The following WNT2B variants were observed in gnomAD, a reference collection of about 807,000 sequenced individuals.
The protein encoded by WNT2B is Wnt family member 2B.
In WNT2B, 19 loss-of-function variants were observed where a neutral mutation model predicts 40.5. The observed-to-expected ratio is 0.47, with a 90% CI of 0.33 to 0.69. The LOEUF (loss-of-function observed/expected upper bound fraction) is 0.69. Ranked by LOEUF, WNT2B falls within the 30% of genes least tolerant of loss-of-function variation. The pLI is 0.02. For synonymous variants in WNT2B, 220 were observed against 211.9 expected, an observed-to-expected ratio of 1.04 and a Z score of -0.33; for missense variants, 467 against 556.4, an observed-to-expected ratio of 0.84 and a Z score of 1.62.
chr1:112,479,419 C>CA (rs1651152943), intron 1 of WNT2B, among the ~76,000 whole-genome samples: 2 of 151,302 alleles, frequency 1.3e-5, no homozygotes, highest in African/African-American at 4.9e-5. Context: ...ACTAAAAATA[C>CA]AAAAATTAGC....
intron 1 of WNT2B, among the ~76,000 whole-genome samples, chr1:112,479,080 G>A (rs1234574289): frequency 6.6e-6 from 1 of 151,526 alleles, no homozygotes; most frequent in African/African-American, 2.4e-5. Context: ...AATTAGCTGG[G>A]CGTAGTGGTA....
chr1:112,492,228 A>G (rs1406382112), intron 1 of WNT2B, among the ~76,000 whole-genome samples: 4 of 152,218 alleles, frequency 2.6e-5, no homozygotes, highest in Non-Finnish European at 5.9e-5. Flanking sequence ...CCTAACAATA[A>G]GTAAAAACCT....
chr1:112,501,380 A>G (rs1177986012), intron 1 of WNT2B, among the ~76,000 whole-genome samples: 1 of 152,176 alleles, frequency 6.6e-6, no homozygotes, highest in African/African-American at 2.4e-5. Context: ...TACTCTTGGA[A>G]AAAGGTCACG....
chr1:112,517,897 T>G (rs1164836910), intron 4 of WNT2B: 1 of 155,388 alleles, frequency 6.4e-6, no homozygotes, highest in Admixed American at 6.2e-5. Flanking sequence ...TCTGGATAGC[T>G]TGAGAGACGA....
At chr1:112,492,340 A>C (rs1228603644) in intron 1 of WNT2B, among the ~76,000 whole-genome samples, 2 of 152,236 alleles carry the variant, frequency 1.3e-5, no homozygotes, top group Non-Finnish European at 2.9e-5. Context: ...AGGCAAATGC[A>C]GGGAATCACA....
intron 1 of WNT2B, among the ~76,000 whole-genome samples, chr1:112,484,605 T>A (rs1247936938): frequency 6.6e-6 from 1 of 151,646 alleles, no homozygotes; most frequent in Non-Finnish European, 1.5e-5. Context: ...TAAATTTAAA[T>A]TTTTTAAATC....
chr1:112,479,812 A>G (rs10857956), intron 1 of WNT2B, among the ~76,000 whole-genome samples: 46,406 of 151,424 alleles, frequency 0.31, 8,132 homozygotes, highest in African/African-American at 0.48. Context: ...CTGGGTTCAC[A>G]CCATTCTCCT....
In WNT2B at chr1:112,515,475, A is replaced by G. The variant is rs1314583633; in HGVS notation, c.403+381A>G. Among the ~76,000 whole-genome samples the G allele has an allele frequency of 1.3e-5, 2 of 152,178 alleles. No individual in the cohort carries two copies. Among genetic ancestry groups the G allele is most frequent in the Admixed American group, 1.3e-4 (2 of 15,280 alleles). Reference sequence around the variant, plus strand: ...CTATCGTCACCCCAACACTCCCAACACTACAGTAATGGGAACAAAAGATAA... The same window carrying G: ...CTATCGTCACCCCAACACTCCCAACGCTACAGTAATGGGAACAAAAGATAA... On this transcript the variant is annotated intron_variant, in intron 2 of 4. Transcript: ENST00000369684. The surrounding 1 kb of genome is among the most constrained non-coding windows in gnomAD (Gnocchi z 4.4).
At chr1:112,476,725 T>C (rs1369864839) in intron 1 of WNT2B, among the ~76,000 whole-genome samples, 1 of 152,158 alleles carries the variant, frequency 6.6e-6, no homozygotes, top group Non-Finnish European at 1.5e-5. Context: ...TGAGGACCCC[T>C]GCAGTTTCCA....
At position 112,527,878 on chromosome 1, in the gene WNT2B, A is replaced by C. The variant is rs1339281534; in HGVS notation, c.*7369A>C. On this transcript the variant is annotated 3_prime_UTR_variant, in exon 5 of 5. Coordinates refer to ENST00000369684, the MANE Select transcript of WNT2B (RefSeq NM_024494.3). Reference sequence around the variant, plus strand: ...AGGAATGTAACTATGAAGTAAAAGGAAACAGTAAGGAAGGTGAACTGGAAC... The same window carrying C: ...AGGAATGTAACTATGAAGTAAAAGGCAACAGTAAGGAAGGTGAACTGGAAC... 1 of 152,258 alleles carries C rather than the reference A, an allele frequency of 6.6e-6. No homozygotes were observed. Among genetic ancestry groups the C allele is most frequent in the Non-Finnish European group, 1.5e-5 (1 of 68,066 alleles). 9.4% of individuals were successfully genotyped at this position (152,258 alleles called of 1,614,324 possible).
chr1:112,486,832 A>G (rs1651432562), intron 1 of WNT2B, among the ~76,000 whole-genome samples: 2 of 152,250 alleles, frequency 1.3e-5, no homozygotes, highest in African/African-American at 4.8e-5. Flanking sequence ...TTTTTATATT[A>G]TGTGTTGACG....
chr1:112,509,335 C>A lies in WNT2B; in HGVS notation c.73C>A (p.Pro25Thr), dbSNP rs374417605. The change falls in exon 1 of 5, where the codon CCG becomes ACG. Residue 25 changes from proline (P) to threonine (T), a missense_variant. Coordinates refer to ENST00000369684, the MANE Select transcript of WNT2B (RefSeq NM_024494.3). The surrounding 1 kb of genome is among the most constrained non-coding windows in gnomAD (Gnocchi z 4.2). ...LRRASAPVPV[P>T]SPAAPDGSRA... ...GCGCGCCAGCGCCCCGGTCCCTGTG[C>A]CGTCGCCCGCGGCCCCCGACGGCTC... 87 of 1,589,100 alleles carry A rather than the reference C, an allele frequency of 5.5e-5. No individual in the cohort carries two copies. Among genetic ancestry groups the A allele is most frequent in the Middle Eastern group, 2.2e-4 (1 of 4,450 alleles).
chr1:112,508,370 A>C (rs1456029601), upstream of WNT2B, among the ~76,000 whole-genome samples: 1 of 150,752 alleles, frequency 6.6e-6, no homozygotes, highest in Admixed American at 6.6e-5. This position sits in a 1 kb window ranked among gnomAD's most constrained non-coding sequence, Gnocchi z 4.2. Context: ...AGCCAGGTCT[A>C]AACGTGATGC....
intron 1 of WNT2B, among the ~76,000 whole-genome samples, chr1:112,491,917 T>C (rs1298068140): frequency 1.3e-5 from 2 of 152,126 alleles, no homozygotes; most frequent in African/African-American, 4.8e-5. Flanking sequence ...TAAAATAATT[T>C]TATTTATGTT....
chr1:112,492,842 G>A (rs1463209652), intron 1 of WNT2B, among the ~76,000 whole-genome samples: 3 of 152,146 alleles, frequency 2.0e-5, no homozygotes, highest in Non-Finnish European at 2.9e-5. Flanking sequence ...TGCGAGGTGC[G>A]CAGTCCAGAG....
chr1:112,489,255 AAAAAAG>A (rs961802378), intron 1 of WNT2B, among the ~76,000 whole-genome samples: 2 of 151,920 alleles, frequency 1.3e-5, no homozygotes, highest in Admixed American at 6.6e-5. Flanking sequence ...GAGAGTGTAA[AAAAAAG>A]AAAAAGAAAA....
At position 112,494,830 on chromosome 1, in the gene WNT2B, G is replaced by A. The variant is rs187178949; in HGVS notation, c.-94-20044G>A. Among the ~76,000 whole-genome samples, 112 of 151,628 alleles carry A rather than the reference G, an allele frequency of 7.4e-4. 3 individuals carry two copies. Among genetic ancestry groups the A allele is most frequent in the African/African-American group, 2.6e-3 (108 of 40,920 alleles). Reference sequence around the variant, plus strand: ...ACTTAAAGGAAGAAAGAACATCAGAGAAGGAACAAGTGAAGGTAAAACAAA... The same window carrying A: ...ACTTAAAGGAAGAAAGAACATCAGAAAAGGAACAAGTGAAGGTAAAACAAA... On this transcript the variant is annotated intron_variant, in intron 1 of 4. Transcript: ENST00000256640.
In WNT2B at chr1:112,516,201, T is replaced by A; in HGVS notation, c.465T>A (p.Thr155=). Residue 155 remains threonine, a synonymous_variant, in exon 3 of 5, where the codon ACT becomes ACA. Coordinates refer to ENST00000369684, the MANE Select transcript of WNT2B (RefSeq NM_024494.3). ...CAGCAGGGGTAGTCCACGCTATTAC[T>A]CGCGCCTGTAGCCAGGGTGAACTGA... ...ISSAGVVHAI[T]RACSQGELSV... The A allele has an allele frequency of 6.2e-7, 1 of 1,614,054 alleles. No homozygotes were observed. Among genetic ancestry groups the A allele is most frequent in the Non-Finnish European group, 8.5e-7 (1 of 1,180,028 alleles).
chr1:112,480,553 G>C (rs2101055218), intron 1 of WNT2B, among the ~76,000 whole-genome samples: 1 of 151,544 alleles, frequency 6.6e-6, no homozygotes. Context: ...AGCCTGAACA[G>C]ACCAATAAAA....
Sources: gnomAD v4.1 joint callset for allele counts (sites outside exome capture counted in the v4.1 genomes callset) on GRCh38, gnomAD v4.1.1 for gene constraint, Gnocchi (gnomAD v3.1) non-coding constraint, MANE v1.5 for transcripts, NCBI Gene and HGNC (gene_info 2026-07-23, HGNC 2026-07-21) for gene names.